BRINP2: variants seen among roughly 807,000 people sequenced by gnomAD.
The protein encoded by BRINP2 is BMP/retinoic acid-inducible neural-specific protein 2.
A neutral mutation model predicts 69.2 loss-of-function variants in BRINP2; 21 were observed. The ratio of observed to expected loss-of-function variants is 0.30; its 90% CI spans 0.22 to 0.44. BRINP2 has a LOEUF of 0.44. Ranked by LOEUF, BRINP2 falls within the 20% of genes least tolerant of loss-of-function variation. BRINP2 has a pLI of 1.00. For missense variants in BRINP2, 877 were observed against 986.0 expected (o/e 0.89, Z 1.48); for synonymous variants, 380 against 394.1 (o/e 0.96, Z 0.42).
chr1:177,281,139 G>A lies in BRINP2; in HGVS notation c.1963G>A (p.Asp655Asn), dbSNP rs771635814. ...YLRSRIKSLD[D>N]SSNETIYYEP... ...ACGGAGCCGAATCAAGTCCCTGGAT[G>A]ACAGCTCCAATGAGACAATCTACTA... The change falls in exon 8 of 8, where the codon GAC (aspartate) becomes AAC (asparagine). Residue 655 changes from aspartate (D) to asparagine (N), a missense_variant. Physicochemically the swap from Asp to Asn is conservative, Grantham distance 23. Coordinates refer to ENST00000361539, the MANE Select transcript of BRINP2 (RefSeq NM_021165.4). The A allele has an allele frequency of 5.6e-6, 9 of 1,614,092 alleles. No homozygotes were observed. Among genetic ancestry groups the A allele is most frequent in the Admixed American group, 5.0e-5 (3 of 60,010 alleles).
rs539072266 is a variant in BRINP2 at position 177,267,387 on chromosome 1, A to C, written c.670-6101A>C. ...TGGAGATCTTTTATCTATTTATTCC[A>C]TACTTTTCTGTACCTCGATGACTTC... is the stretch of plus-strand genomic sequence containing the variant. On this transcript the variant is annotated intron_variant, in intron 4 of 7. Coordinates refer to ENST00000361539, the MANE Select transcript of BRINP2 (RefSeq NM_021165.4). Among the ~76,000 whole-genome samples, 3 of 152,244 alleles carry C rather than the reference A, an allele frequency of 2.0e-5. No individual in the cohort carries two copies. The East Asian group carries it at 5.8e-4, about 29-fold the overall frequency.
intron 1 of BRINP2, among the ~76,000 whole-genome samples, chr1:177,223,169 A>G (rs1020907903): frequency 1.2e-4 from 18 of 152,150 alleles, no homozygotes; most frequent in African/African-American, 2.7e-4. Context: ...CACCAAGGAA[A>G]GCACCAAGGA....
At chr1:177,245,903 G>C (rs906727702) in intron 2 of BRINP2, among the ~76,000 whole-genome samples, 4 of 151,998 alleles carry the variant, frequency 2.6e-5, no homozygotes, top group Non-Finnish European at 5.9e-5. Flanking sequence ...CTCCCAATCA[G>C]CCTTAATTAA....
intron 1 of BRINP2, among the ~76,000 whole-genome samples, chr1:177,180,782 T>C (rs1007428447): frequency 3.0e-4 from 45 of 152,328 alleles, no homozygotes; most frequent in African/African-American, 1.0e-3. Context: ...GCAGAAGTTC[T>C]TTAAAAAGCA....
intron 4 of BRINP2, among the ~76,000 whole-genome samples, chr1:177,267,328 A>G (rs1006690450): frequency 2.0e-5 from 3 of 152,164 alleles, no homozygotes; most frequent in African/African-American, 7.2e-5. Context: ...CTACTTTTTC[A>G]TCTCCATCTG....
chr1:177,172,730 TAAAG>T (rs1647973887), intron 1 of BRINP2, among the ~76,000 whole-genome samples: 1 of 152,224 alleles, frequency 6.6e-6, no homozygotes, highest in Admixed American at 6.5e-5. Context: ...GACCCCTCTG[TAAAG>T]AATTGTGTGT....
At chr1:177,180,168 GAAGT>G (rs1237894787) in intron 1 of BRINP2, among the ~76,000 whole-genome samples, 3 of 152,120 alleles carry the variant, frequency 2.0e-5, no homozygotes, top group Non-Finnish European at 4.4e-5. Flanking sequence ...ACAACCTTAT[GAAGT>G]AAGTGTCATT....
chr1:177,275,071 T>A (rs542046235), intron 5 of BRINP2: 1 of 454,142 alleles, frequency 2.2e-6, no homozygotes, highest in African/African-American at 2.0e-5. Context: ...TTCCTCACTT[T>A]CCTGGCACAA....
intron 1 of BRINP2, among the ~76,000 whole-genome samples, chr1:177,221,257 G>A (rs1649523780): frequency 6.6e-6 from 1 of 152,168 alleles, no homozygotes. Flanking sequence ...AATAACGCAT[G>A]GAAAGTGTTT....
intron 1 of BRINP2, among the ~76,000 whole-genome samples, chr1:177,175,104 C>A (rs1335991810): frequency 6.6e-6 from 1 of 152,208 alleles, no homozygotes; most frequent in Admixed American, 6.5e-5. Context: ...AAATGTTCCT[C>A]CTGGGGTTTT....
intron 1 of BRINP2, among the ~76,000 whole-genome samples, chr1:177,172,480 T>C (rs1647967128): frequency 6.6e-6 from 1 of 152,164 alleles, no homozygotes; most frequent in Admixed American, 6.5e-5. Flanking sequence ...CTCACAGCTG[T>C]ATGCAGGAAA....
rs1651684769 is a variant in BRINP2 at position 177,281,130 on chromosome 1, T to G, written c.1954T>G (p.Ser652Ala). ...VHVYLRSRIK[S>A]LDDSSNETIY... Reference sequence around the variant, plus strand: ...TGTTTACCTACGGAGCCGAATCAAGTCCCTGGATGACAGCTCCAATGAGAC... The same window carrying G: ...TGTTTACCTACGGAGCCGAATCAAGGCCCTGGATGACAGCTCCAATGAGAC... Residue 652 changes from serine to alanine, a missense_variant, in exon 8 of 8, where the codon TCC (serine) becomes GCC (alanine). Ser to Ala is a moderately conservative substitution (Grantham distance 99). Around this residue, in one of 3 missense-constraint regions of BRINP2, gnomAD observed 225 missense variants for 218.7 expected, o/e 1.03. Transcript: ENST00000361539. The G allele has an allele frequency of 6.2e-7, 1 of 1,614,062 alleles. No homozygotes were observed. Among genetic ancestry groups the G allele is most frequent in the Admixed American group, 1.7e-5 (1 of 59,998 alleles).
At chr1:177,273,672 A>G in intron 5 of BRINP2, 79 bp downstream of exon 5, 2 of 861,582 alleles carry the variant, frequency 2.3e-6, no homozygotes, top group Non-Finnish European at 1.7e-6. Flanking sequence ...TAGCGGGAAA[A>G]AATTCTGCCT....
At chr1:177,195,667 G>C (rs745650258) in intron 1 of BRINP2, among the ~76,000 whole-genome samples, 9 of 151,750 alleles carry the variant, frequency 5.9e-5, no homozygotes, top group Middle Eastern at 3.4e-3. Context: ...AGTGGGGGGG[G>C]AATCAATCCC....
chr1:177,240,569 G>T (rs571742367), intron 2 of BRINP2, among the ~76,000 whole-genome samples: 4 of 152,312 alleles, frequency 2.6e-5, no homozygotes, highest in South Asian at 2.1e-4. Flanking sequence ...GTCCCTGAAT[G>T]TTGGCCTGGT....
chr1:177,194,689 C>A (rs1648688935), intron 1 of BRINP2, among the ~76,000 whole-genome samples: 1 of 152,184 alleles, frequency 6.6e-6, no homozygotes, highest in African/African-American at 2.4e-5. Context: ...ATTTAACTCT[C>A]TTTCCGTACA....
At chr1:177,244,125 A>C (rs966533590) in intron 2 of BRINP2, among the ~76,000 whole-genome samples, 2 of 152,202 alleles carry the variant, frequency 1.3e-5, no homozygotes. Flanking sequence ...TGTCAATGTC[A>C]CAAATATCAG....
chr1:177,220,442 CCTCT>C (rs747835365), intron 1 of BRINP2, among the ~76,000 whole-genome samples: 2 of 149,950 alleles, frequency 1.3e-5, no homozygotes, highest in African/African-American at 4.9e-5. Flanking sequence ...ACCTCCCCCA[CCTCT>C]CTCTCTCTCT....
intron 1 of BRINP2, among the ~76,000 whole-genome samples, chr1:177,228,090 A>G (rs984310362): frequency 2.6e-5 from 4 of 152,156 alleles, no homozygotes; most frequent in African/African-American, 9.7e-5. Flanking sequence ...TCTTAGCTCC[A>G]CTATTCTGGG....
Sources: allele counts gnomAD v4.1 joint callset (sites outside exome capture counted in the v4.1 genomes callset), GRCh38; gene constraint gnomAD v4.1.1; regional missense constraint gnomAD v4.1.1; transcripts MANE v1.5; gene names NCBI Gene and HGNC (gene_info 2026-07-23, HGNC 2026-07-21).